PPM1B: variants seen among roughly 807,000 people sequenced by gnomAD.
PPM1B encodes protein phosphatase 1B.
Under a neutral mutation model 43.0 loss-of-function variants are expected in PPM1B, and 22 were observed. That is an observed-to-expected ratio of 0.51 (90% confidence interval 0.37 to 0.73). The LOEUF (loss-of-function observed/expected upper bound fraction) is 0.73, where lower values mean the gene tolerates loss of function less well. PPM1B is among the 30% of genes least tolerant of loss of function. PPM1B has a pLI of 0.00. For synonymous variants in PPM1B, 217 were observed against 197.9 expected, an observed-to-expected ratio of 1.10 and a Z score of -0.81; for missense variants, 632 against 584.2, an observed-to-expected ratio of 1.08 and a Z score of -0.84.
intron 1 of PPM1B, among the ~76,000 whole-genome samples, chr2:44,188,021 A>C (rs998480749): frequency 6.6e-6 from 1 of 152,182 alleles, no homozygotes; most frequent in Non-Finnish European, 1.5e-5. Flanking sequence ...AGGTGCTAGG[A>C]TTACAGGCGT....
At chr2:44,197,031 AT>A (rs2104104580) in intron 1 of PPM1B, among the ~76,000 whole-genome samples, 1 of 152,302 alleles carries the variant, frequency 6.6e-6, no homozygotes, top group East Asian at 1.9e-4. Context: ...TAAACTTTTA[AT>A]GTTGAAATAA....
intron 1 of PPM1B, among the ~76,000 whole-genome samples, chr2:44,175,868 C>G (rs1466179292): frequency 3.3e-5 from 5 of 151,318 alleles, no homozygotes; most frequent in African/African-American, 7.3e-5. Context: ...TCACTGCAAC[C>G]TCCGCCTCCC....
intron 5 of PPM1B, among the ~76,000 whole-genome samples, chr2:44,227,396 C>G (rs1670266330): frequency 6.6e-6 from 1 of 152,114 alleles, no homozygotes; most frequent in South Asian, 2.1e-4. Flanking sequence ...ATCTAGAACT[C>G]CCTACCCATT....
Position 44,230,932 on chromosome 2 carries a change from A to C in PPM1B, c.*214A>C. ...AGTACTATGGATTTAATGAAATTATATGTCATTTCACATTGTATGCCAGAA... is the reference window on the plus strand; with the variant it reads ...AGTACTATGGATTTAATGAAATTATCTGTCATTTCACATTGTATGCCAGAA... On this transcript the variant is annotated 3_prime_UTR_variant, in exon 6 of 6. Transcript: ENST00000282412. 1 of 1,168,094 alleles carries C rather than the reference A, an allele frequency of 8.6e-7. No homozygotes were observed. The highest frequency in any genetic ancestry group is 1.1e-6 in the Non-Finnish European group (1 of 931,448). The allele number at this position is 1,168,094 out of a possible 1,614,324, so 72.4% of individuals were successfully genotyped here. A position where few individuals can be genotyped will look rare whatever the true frequency, so the allele number is the denominator to read the frequency against.
chr2:44,227,008 C>T (rs1670249092), intron 5 of PPM1B, among the ~76,000 whole-genome samples: 1 of 151,172 alleles, frequency 6.6e-6, no homozygotes, highest in Non-Finnish European at 1.5e-5. Flanking sequence ...GGGTCTTCCT[C>T]CATTGCCCAG....
At chr2:44,185,289 C>T (rs1478990664) in intron 1 of PPM1B, among the ~76,000 whole-genome samples, 3 of 152,046 alleles carry the variant, frequency 2.0e-5, no homozygotes, top group African/African-American at 7.2e-5. Flanking sequence ...TGTATGATAC[C>T]TTGCCCTATG....
In PPM1B at chr2:44,240,739, A is replaced by G. The variant is rs1670725732; in HGVS notation, n.1547-3489A>G. ...CCAAGAAGGAATAACTCCTTAGCCT[A>G]CTAGTACCCATTAGCATGAAACAGC... On this transcript the variant is annotated intron_variant and non_coding_transcript_variant, in intron 5 of 5. Transcript: ENST00000378540. Among the ~76,000 whole-genome samples the G allele has an allele frequency of 1.4e-5, 2 of 145,734 alleles. 1 individual carries two copies. The highest frequency in any genetic ancestry group is 4.7e-4 in the South Asian group (2 of 4,214).
intron 4 of PPM1B, among the ~76,000 whole-genome samples, 190 bp downstream of exon 4, chr2:44,218,268 CTT>C (rs1669817645): frequency 6.6e-6 from 1 of 152,138 alleles, no homozygotes; most frequent in African/African-American, 2.4e-5. Flanking sequence ...CTATCATACT[CTT>C]TGAGTATGAA....
downstream of PPM1B, chr2:44,234,232 T>C (rs1362852571): frequency 2.0e-6 from 2 of 981,780 alleles, no homozygotes; most frequent in Non-Finnish European, 2.4e-6. Flanking sequence ...TAAAAAAACC[T>C]GCCTTTGGCC....
chr2:44,218,729 T>C, intron 5 of PPM1B, 192 bp downstream of exon 5: 1 of 526,436 alleles, frequency 1.9e-6, no homozygotes, highest in Non-Finnish European at 3.4e-6. Flanking sequence ...AATTTTGTTT[T>C]GTAGATAGTT....
At chr2:44,214,633 T>G (rs1272918728) in intron 3 of PPM1B, among the ~76,000 whole-genome samples, 2 of 151,996 alleles carry the variant, frequency 1.3e-5, no homozygotes, top group Non-Finnish European at 2.9e-5. Flanking sequence ...AGAGGAAGCA[T>G]CAACATAAGG....
At chr2:44,232,287 A>G, downstream of PPM1B, 1 of 1,601,388 alleles carries the variant, frequency 6.2e-7, no homozygotes, top group South Asian at 1.1e-5. Context: ...TAGGTAAATA[A>G]TAATATTCTT....
At chr2:44,245,304 A>C (rs1670835799), downstream of PPM1B, among the ~76,000 whole-genome samples, 1 of 148,190 alleles carries the variant, frequency 6.7e-6, no homozygotes, top group Non-Finnish European at 1.5e-5. Flanking sequence ...AAAATCTCAA[A>C]GCTGAGAAAA....
chr2:44,193,930 T>C (rs969519820), intron 1 of PPM1B, among the ~76,000 whole-genome samples: 1 of 152,136 alleles, frequency 6.6e-6, no homozygotes. Context: ...TCCAGGCTGG[T>C]CTCGAGCTAC....
chr2:44,231,992 C>T (rs929988786), downstream of PPM1B, among the ~76,000 whole-genome samples: 2 of 152,074 alleles, frequency 1.3e-5, no homozygotes, highest in Non-Finnish European at 2.9e-5. Flanking sequence ...CTTTAAGTTA[C>T]CATAAATTGA....
At chr2:44,184,592 T>G (rs1404414833) in intron 1 of PPM1B, among the ~76,000 whole-genome samples, 2 of 152,132 alleles carry the variant, frequency 1.3e-5, no homozygotes, top group African/African-American at 4.8e-5. Flanking sequence ...AGATCCACCT[T>G]CCTGCAGTAT....
chr2:44,235,358 C>T (rs530798105), downstream of PPM1B, among the ~76,000 whole-genome samples: 1 of 152,244 alleles, frequency 6.6e-6, no homozygotes, highest in African/African-American at 2.4e-5. Flanking sequence ...AATCCCAGCA[C>T]TTTGGGAGGC....
chr2:44,216,019 T>G (rs1452534902), intron 3 of PPM1B, among the ~76,000 whole-genome samples: 1 of 152,110 alleles, frequency 6.6e-6, no homozygotes, highest in Non-Finnish European at 1.5e-5. Context: ...AGAGGAAAAT[T>G]AAGAGGTTTG....
chr2:44,183,840 A>G (rs1413874846), intron 1 of PPM1B, among the ~76,000 whole-genome samples: 1 of 151,882 alleles, frequency 6.6e-6, no homozygotes, highest in Non-Finnish European at 1.5e-5. Flanking sequence ...CCGGGTTCAC[A>G]CCATTCTCCT....
Sources: allele counts gnomAD v4.1 joint callset (sites outside exome capture counted in the v4.1 genomes callset), GRCh38; gene constraint gnomAD v4.1.1; transcripts MANE v1.5; gene names NCBI Gene and HGNC (gene_info 2026-07-23, HGNC 2026-07-21).